TLE5: variants seen among roughly 807,000 people sequenced by gnomAD.
The protein encoded by TLE5 is TLE family member 5, transcriptional modulator.
Under a neutral mutation model 25.8 loss-of-function variants are expected in TLE5, and 7 were observed. That is an observed-to-expected ratio of 0.27 (90% CI 0.15 to 0.51). The LOEUF (loss-of-function observed/expected upper bound fraction) is 0.51. TLE5 is among the 20% of genes least tolerant of loss of function. The probability of loss-of-function intolerance (pLI) is 0.97; values close to 1 mark genes in which losing one functional copy is unlikely to be tolerated. For missense variants in TLE5, 149 were observed against 250.7 expected, an observed-to-expected ratio of 0.59 and a Z score of 2.74; for synonymous variants, 132 against 110.5, an observed-to-expected ratio of 1.20 and a Z score of -1.22.
intron 4 of TLE5, 173 bp downstream of exon 4, chr19:3,056,139 G>A (rs1189570738): frequency 3.8e-6 from 2 of 531,032 alleles, no homozygotes; most frequent in Non-Finnish European, 6.6e-6. Flanking sequence ...GGGGCGGGGG[G>A]GAGGAGAGCG....
At position 3,053,948 on chromosome 19, in the gene TLE5, C is replaced by G. The variant is rs146384034; in HGVS notation, c.465G>C (p.Pro155=). ...LPVGLQPPSL[P]AVSAGTGLLS... ...GGAGGCCGGTGCCTGCGCTGACCGC[C>G]GGCAGCGAAGGCGGCTGCAGCCCCA... The change falls in exon 7 of 7, where the codon CCG becomes CCC. Residue 155 remains proline (P), a synonymous_variant. Transcript: ENST00000327141. 1.2e-6 allele frequency: 2 copies of G among 1,611,966 alleles called. No individual in the cohort carries two copies. Among genetic ancestry groups the G allele is most frequent in the East Asian group, 4.5e-5 (2 of 44,846 alleles).
Position 3,054,141 on chromosome 19 carries a change from G to A in TLE5, c.351C>T (p.Pro117=), listed in dbSNP as rs200921335. The A allele has an allele frequency of 2.9e-4, 453 of 1,581,858 alleles. No individual in the cohort carries two copies. The highest frequency in any genetic ancestry group is 3.4e-4 in the Non-Finnish European group (398 of 1,171,822). The change falls in exon 6 of 7, where the codon CCC becomes CCT. Residue 117 remains proline, a synonymous_variant. Coordinates refer to ENST00000327141, the MANE Select transcript of TLE5 (RefSeq NM_001130.6). ...ATACTCGGATGATAGAGTTCAGCTC[G>A]GGAGCGGTGACCTGCTTGGCCCTCT... ...AIERAKQVTA[P]ELNSIIRQQL... is the part of the protein sequence containing the mutation.
At chr19:3,059,925 C>A (rs565922315) in intron 2 of TLE5, among the ~76,000 whole-genome samples, 108 of 152,266 alleles carry the variant, frequency 7.1e-4, no homozygotes, top group Non-Finnish European at 1.2e-3. Context: ...AGAATGGGTA[C>A]GACAGTCGGA....
At chr19:3,061,479 C>T (rs1231404710) in intron 1 of TLE5, 1 of 360,544 alleles carries the variant, frequency 2.8e-6, no homozygotes, top group Non-Finnish European at 5.1e-6. Context: ...CCCCGTCCCC[C>T]GCCACCCCCA....
chr19:3,055,949 G>A (rs1419869509), intron 4 of TLE5: 2 of 540,832 alleles, frequency 3.7e-6, no homozygotes, highest in East Asian at 6.1e-5. Context: ...AGCTTAGAGT[G>A]AGGTAAGTGC....
intron 2 of TLE5, among the ~76,000 whole-genome samples, chr19:3,059,982 A>G (rs1450456722): frequency 6.6e-6 from 1 of 152,202 alleles, no homozygotes; most frequent in African/African-American, 2.4e-5. Flanking sequence ...TCTTGAGCAC[A>G]CAGGGAGTAC....
At chr19:3,056,394 G>T in intron 3 of TLE5, 38 bp from the exon 4 acceptor site, 1 of 499,246 alleles carries the variant, frequency 2.0e-6, no homozygotes. Context: ...GGAGATGGGG[G>T]TGGGGAAGGA....
intron 6 of TLE5, 33 bp downstream of exon 6, chr19:3,054,087 C>CCT: frequency 2.7e-6 from 4 of 1,476,452 alleles, no homozygotes; most frequent in South Asian, 1.3e-5. Flanking sequence ...GCCCACCTGT[C>CCT]CCCCGCCCAC....
Position 3,062,314 on chromosome 19 carries a change from C to A in TLE5, c.-114G>T. On this transcript the variant is annotated 5_prime_UTR_variant, in exon 1 of 7. Transcript: ENST00000327141. Reference sequence around the variant, plus strand: ...CGGCGCCGATCGGCAGCTCCCGGGGCCGCCGCCGCCTCCCGCGCCCGGCCT... The same window carrying A: ...CGGCGCCGATCGGCAGCTCCCGGGGACGCCGCCGCCTCCCGCGCCCGGCCT... 17 of 979,214 alleles carry A rather than the reference C, an allele frequency of 1.7e-5. No individual in the cohort carries two copies. The highest frequency in any genetic ancestry group is 2.1e-5 in the Non-Finnish European group (17 of 827,230). 60.7% of individuals were successfully genotyped at this position (979,214 alleles called of 1,614,324 possible). A position where few individuals can be genotyped will look rare whatever the true frequency, so the allele number is the denominator to read the frequency against.
chr19:3,056,329 T>A lies in TLE5; in HGVS notation c.217A>T (p.Ile73Phe). 7.1e-7 allele frequency: 1 copy of A among 1,406,768 alleles called. No homozygotes were observed. Among genetic ancestry groups the A allele is most frequent in the Non-Finnish European group, 9.4e-7 (1 of 1,063,228 alleles). The allele number at this position is 1,406,768 out of a possible 1,614,324, so 87.1% of individuals were successfully genotyped here. The change falls in exon 4 of 7, where the codon ATC (isoleucine) becomes TTC (phenylalanine). Residue 73 changes from isoleucine (I) to phenylalanine (F), a missense_variant. Transcript: ENST00000327141. Reference sequence around the variant, plus strand: ...GGGCGTACCTGTTTGTGCATCTCGATGTTCAAGCCGTAGGACATCTCGTAG... The same window carrying A: ...GGGCGTACCTGTTTGTGCATCTCGAAGTTCAAGCCGTAGGACATCTCGTAG... Reference protein sequence around the residue: ...MYYEMSYGLNIEMHKQAEIVK... With the variant: ...MYYEMSYGLNFEMHKQAEIVK...
intron 1 of TLE5, 88 bp downstream of exon 1, chr19:3,062,086 G>A (rs1397290816): frequency 2.9e-6 from 2 of 693,292 alleles, no homozygotes; most frequent in African/African-American, 4.0e-5. Context: ...GGGCCTGGGG[G>A]TTGGGGGGCG....
At chr19:3,057,813 C>G in intron 2 of TLE5, 71 bp from the exon 3 acceptor site, 1 of 1,445,866 alleles carries the variant, frequency 6.9e-7, no homozygotes, top group Non-Finnish European at 9.6e-7. Flanking sequence ...CTCCGTTATC[C>G]AGGGGAGGAA....
upstream of TLE5, chr19:3,062,566 G>T: frequency 2.5e-6 from 2 of 805,258 alleles, no homozygotes; most frequent in Non-Finnish European, 1.5e-6. Context: ...GCGCCGCCGA[G>T]GGGGGGGACG....
intron 5 of TLE5, chr19:3,054,435 AG>A: frequency 1.7e-6 from 1 of 591,256 alleles, no homozygotes; most frequent in East Asian, 2.8e-5. Context: ...AACAATTAAA[AG>A]GGTTTTGTGC....
Position 3,062,416 on chromosome 19 carries a change from CCCTCCCCGCCCCTCCCCGCCGCCCG to C in TLE5, c.-241_-217del. 1.4e-6 allele frequency: 1 copy of C among 738,760 alleles called. No homozygotes were observed. Among genetic ancestry groups the C allele is most frequent in the Non-Finnish European group, 1.6e-6 (1 of 607,990 alleles). 45.8% of individuals were successfully genotyped at this position (738,760 alleles called of 1,614,324 possible). ...GCCCCGCTTCCTGCGCGCCCGGCGC[CCCTCCCCGCCCCTCCCCGCCGCCCG>C]CCTCCCCGCTCCCCGGCCCCACCGC... On this transcript the variant is annotated 5_prime_UTR_variant, in exon 1 of 7. Coordinates refer to ENST00000327141, the MANE Select transcript of TLE5 (RefSeq NM_001130.6).
At position 3,062,279 on chromosome 19, in the gene TLE5, G is replaced by A; in HGVS notation, c.-79C>T. On this transcript the variant is annotated 5_prime_UTR_variant, in exon 1 of 7. Transcript: ENST00000327141. ...GCTGCTGGGGGCGCCGGGCGGCCGC[G>A]CCTTTGTCCCGGCGCCGATCGGCAG... 3.0e-6 allele frequency: 3 copies of A among 1,010,260 alleles called. No individual in the cohort carries two copies. Among genetic ancestry groups the A allele is most frequent in the Non-Finnish European group, 3.5e-6 (3 of 847,048 alleles). 62.6% of individuals were successfully genotyped at this position (1,010,260 alleles called of 1,614,324 possible). A position where few individuals can be genotyped will look rare whatever the true frequency, so the allele number is the denominator to read the frequency against.
At chr19:3,061,301 G>A in intron 1 of TLE5, 44 bp from the exon 2 acceptor site, 1 of 1,519,872 alleles carries the variant, frequency 6.6e-7, no homozygotes, top group Non-Finnish European at 9.1e-7. Flanking sequence ...GCGTGGGCTG[G>A]ACCCCCCTCA....
intron 5 of TLE5, 133 bp from the exon 6 acceptor site, chr19:3,054,327 C>A: frequency 1.2e-6 from 1 of 813,114 alleles, no homozygotes; most frequent in South Asian, 1.6e-5. Flanking sequence ...CAGTGGTTTT[C>A]AACCCCATCA....
rs1364969009 is a variant in TLE5, at chr19:3,053,149, C to T, written c.*670G>A. 1 of 151,462 alleles carries T rather than the reference C, an allele frequency of 6.6e-6. No homozygotes were observed. Among genetic ancestry groups the T allele is most frequent in the Non-Finnish European group, 1.5e-5 (1 of 67,920 alleles). The allele number at this position is 151,462 out of a possible 1,614,324, so 9.4% of individuals were successfully genotyped here. On this transcript the variant is annotated 3_prime_UTR_variant, in exon 7 of 7. Coordinates refer to ENST00000327141, the MANE Select transcript of TLE5 (RefSeq NM_001130.6). ...GAAAAAAATAATAATAAAATAAAAACCAAGACAACTTTAGTACCCTCATCT... is the reference window on the plus strand; with the variant it reads ...GAAAAAAATAATAATAAAATAAAAATCAAGACAACTTTAGTACCCTCATCT...
Sources: gnomAD v4.1 joint callset for allele counts (sites outside exome capture counted in the v4.1 genomes callset) on GRCh38, gnomAD v4.1.1 for gene constraint, MANE v1.5 for transcripts, NCBI Gene and HGNC (gene_info 2026-07-23, HGNC 2026-07-21) for gene names.